The following GRAMD4 variants were observed in gnomAD, a reference collection of about 807,000 sequenced individuals.
GRAMD4 encodes GRAM domain containing 4.
In GRAMD4, 25 loss-of-function variants were observed where a neutral mutation model predicts 83.9. The ratio of observed to expected loss-of-function variants is 0.30; its 90% CI spans 0.22 to 0.42. The LOEUF is 0.42. GRAMD4 is among the 10% of genes least tolerant of loss of function. GRAMD4 has a pLI of 1.00. For synonymous variants in GRAMD4, 336 were observed against 320.9 expected, an observed-to-expected ratio of 1.05 and a Z score of -0.50; for missense variants, 593 against 788.7, an observed-to-expected ratio of 0.75 and a Z score of 2.97.
chr22:46,682,420 CA>C, downstream of GRAMD4: 2 of 985,198 alleles, frequency 2.0e-6, no homozygotes, highest in Non-Finnish European at 2.4e-6. Flanking sequence ...GGTAAATCAT[CA>C]TCATAGGAGT....
downstream of GRAMD4, among the ~76,000 whole-genome samples, chr22:46,680,616 A>C (rs2082660100): frequency 2.9e-5 from 3 of 101,940 alleles, no homozygotes; most frequent in African/African-American, 1.1e-4. Context: ...TCATCCATCC[A>C]CCCACCCATT....
chr22:46,675,198 G>T (rs560215089), intron 16 of GRAMD4, among the ~76,000 whole-genome samples: 2 of 151,492 alleles, frequency 1.3e-5, no homozygotes, highest in East Asian at 3.9e-4. Context: ...GTGGCCGTGA[G>T]TGTCTCAGAG....
At chr22:46,643,157 A>G (rs1374779186) in intron 3 of GRAMD4, among the ~76,000 whole-genome samples, 1 of 148,454 alleles carries the variant, frequency 6.7e-6, no homozygotes, top group African/African-American at 2.5e-5. Context: ...CCATCCATCC[A>G]TCCATCCATC....
intron 12 of GRAMD4, 25 bp from the exon 13 acceptor site, chr22:46,668,774 G>C (rs771997680): frequency 6.3e-7 from 1 of 1,597,072 alleles, no homozygotes; most frequent in South Asian, 1.1e-5. Context: ...CGCCCGCCCG[G>C]CCTGAGCCTC....
At chr22:46,640,821 G>A (rs982027456) in intron 3 of GRAMD4, among the ~76,000 whole-genome samples, 2 of 15,610 alleles carry the variant, frequency 1.3e-4, no homozygotes, top group African/African-American at 6.2e-4. Flanking sequence ...CCCCTGCCCC[G>A]GCCCCCCGCC....
At position 46,678,250 on chromosome 22, in the gene GRAMD4, C is replaced by T. The variant is rs560257129; in HGVS notation, c.*999C>T. On this transcript the variant is annotated 3_prime_UTR_variant, in exon 19 of 19. Coordinates refer to ENST00000406902, the MANE Select transcript of GRAMD4 (RefSeq NM_015124.5). Reference sequence around the variant, plus strand: ...GGCCCAGGCTGCAGCCGCCTTTGGGCCATCCGAGAGGCTCTGGCAGCCCCT... The same window carrying T: ...GGCCCAGGCTGCAGCCGCCTTTGGGTCATCCGAGAGGCTCTGGCAGCCCCT... 29 of 985,466 alleles carry T rather than the reference C, an allele frequency of 2.9e-5. No homozygotes were observed. In the African/African-American group the frequency reaches 5.1e-4, roughly 17 times the overall value. The allele number at this position is 985,466 out of a possible 1,614,324, so 61.0% of individuals were successfully genotyped here.
intron 13 of GRAMD4, among the ~76,000 whole-genome samples, chr22:46,670,715 C>T (rs191297499): frequency 3.9e-5 from 6 of 152,304 alleles, no homozygotes; most frequent in East Asian, 3.9e-4. Flanking sequence ...AAGTGATTGT[C>T]CTGCCTCAGC....
At chr22:46,675,331 G>A (rs1227070907) in intron 16 of GRAMD4, 137 bp from the exon 17 acceptor site, 36 of 707,806 alleles carry the variant, frequency 5.1e-5, no homozygotes, top group South Asian at 3.3e-4. Flanking sequence ...GTGTTTCACC[G>A]GTTCTGTGTC....
At chr22:46,677,032 C>A (rs970633039) in intron 18 of GRAMD4, 115 bp from the exon 19 acceptor site, 1 of 1,257,180 alleles carries the variant, frequency 8.0e-7, no homozygotes, top group Non-Finnish European at 1.1e-6. Flanking sequence ...CTTTTGCACC[C>A]AGACCCACGT....
intron 3 of GRAMD4, among the ~76,000 whole-genome samples, chr22:46,640,052 C>G (rs1213940007): frequency 6.6e-6 from 1 of 152,198 alleles, no homozygotes; most frequent in African/African-American, 2.4e-5. Context: ...GGGGCTGGCC[C>G]TTGGTTGACT....
In GRAMD4 at chr22:46,677,290, CTTTTTCTTTTTCT is replaced by C. The variant is rs750921546; in HGVS notation, c.*45_*57del. 3.9e-6 allele frequency: 6 copies of C among 1,554,892 alleles called. No homozygotes were observed. Among genetic ancestry groups the C allele is most frequent in the African/African-American group, 2.8e-5 (2 of 70,548 alleles). On this transcript the variant is annotated 3_prime_UTR_variant, in exon 19 of 19. Transcript: ENST00000406902. ...AGGACGTTGCTGGAATTTTCTTTTTCTTTTTCTTTTTCTTTTTTTTTTTTTACGATTTGGTAGT... is the reference window on the plus strand; with the variant it reads ...AGGACGTTGCTGGAATTTTCTTTTTCTTTTTTTTTTTTACGATTTGGTAGT...
In GRAMD4 at chr22:46,661,417, G is replaced by A. The variant is rs1328759493; in HGVS notation, c.441G>A (p.Gly147=). The A allele has an allele frequency of 1.2e-6, 2 of 1,611,762 alleles. No homozygotes were observed. The change falls in exon 5 of 19, where the codon GGG becomes GGA. Residue 147 remains glycine (G), a synonymous_variant. Coordinates refer to ENST00000406902, the MANE Select transcript of GRAMD4 (RefSeq NM_015124.5). ...EEQMAQQPPK[G]QAQASNGAER... is the part of the protein sequence containing the mutation. ...AGATGGCTCAGCAGCCCCCAAAAGGGCAGGCCCAGGCCAGCAATGGAGCAG... is the reference window on the plus strand; with the variant it reads ...AGATGGCTCAGCAGCCCCCAAAAGGACAGGCCCAGGCCAGCAATGGAGCAG...
chr22:46,663,989 C>G (rs748192036), intron 7 of GRAMD4, 37 bp from the exon 8 acceptor site: 3 of 1,585,504 alleles, frequency 1.9e-6, no homozygotes, highest in Non-Finnish European at 2.6e-6. Context: ...GGCCTCCTAC[C>G]CACAGTGCTG....
intron 3 of GRAMD4, among the ~76,000 whole-genome samples, chr22:46,656,771 T>C (rs574472097): frequency 6.6e-6 from 1 of 152,364 alleles, no homozygotes; most frequent in Admixed American, 6.5e-5. Context: ...GTCTCAGGAA[T>C]ATCTCCTGGG....
At chr22:46,642,436 C>G (rs928832957) in intron 3 of GRAMD4, among the ~76,000 whole-genome samples, 1 of 152,202 alleles carries the variant, frequency 6.6e-6, no homozygotes, top group Non-Finnish European at 1.5e-5. Flanking sequence ...GCCTGTGTAA[C>G]CTCATCAGAC....
chr22:46,664,129 C>A lies in GRAMD4; in HGVS notation c.717+12C>A. The stretch of plus-strand genomic sequence containing the variant: ...CCATTGCCTTCACCGTGAGTGGGTC[C>A]TCCAGGGGCCGAGCAGGGTGGGTGG... On this transcript the variant is annotated intron_variant, in intron 8 of 18. Coordinates refer to ENST00000406902, the MANE Select transcript of GRAMD4 (RefSeq NM_015124.5). 1 of 1,585,866 alleles carries A rather than the reference C, an allele frequency of 6.3e-7. No individual in the cohort carries two copies. The highest frequency in any genetic ancestry group is 2.2e-5 in the East Asian group (1 of 44,758).
In GRAMD4 at chr22:46,637,972, A is replaced by G. The variant is rs1294493002; in HGVS notation, c.283+12A>G. ...AAAACATTTCTTACGTGAGTACCAG[A>G]AAGCGCTTGGAGGGGATGGGACAAG... On this transcript the variant is annotated intron_variant, in intron 3 of 18. Coordinates refer to ENST00000406902, the MANE Select transcript of GRAMD4 (RefSeq NM_015124.5). 6 of 1,612,400 alleles carry G rather than the reference A, an allele frequency of 3.7e-6. No individual in the cohort carries two copies. Among genetic ancestry groups the G allele is most frequent in the Admixed American group, 3.3e-5 (2 of 59,960 alleles).
intron 1 of GRAMD4, among the ~76,000 whole-genome samples, chr22:46,599,772 C>T (rs1293758569): frequency 6.6e-6 from 1 of 152,198 alleles, no homozygotes; most frequent in Non-Finnish European, 1.5e-5. Flanking sequence ...AAGTCAGCAC[C>T]ATCGAACATG....
In GRAMD4 at chr22:46,606,520, T is replaced by C. The variant is rs112485794; in HGVS notation, c.-49-20231T>C. Among the ~76,000 whole-genome samples, 155 of 35,724 alleles carry C rather than the reference T, an allele frequency of 4.3e-3. 19 individuals are homozygous for C. The East Asian group carries it at 0.06, about 14-fold the overall frequency. The allele number at this position is 35,724 out of a possible 152,430, so 23.4% of individuals were successfully genotyped here. On this transcript the variant is annotated intron_variant, in intron 1 of 1. Coordinates refer to the GRAMD4 transcript ENST00000431155. ...GGGCCTATGGCTGGTGCTGAGCATCTCTGCATGGGTTTATTGACCGGTGCT... is the reference window on the plus strand; with the variant it reads ...GGGCCTATGGCTGGTGCTGAGCATCCCTGCATGGGTTTATTGACCGGTGCT...
Sources: gnomAD v4.1 joint callset for allele counts (sites outside exome capture counted in the v4.1 genomes callset) on GRCh38, gnomAD v4.1.1 for gene constraint, MANE v1.5 for transcripts, NCBI Gene and HGNC (gene_info 2026-07-23, HGNC 2026-07-21) for gene names.